METTL5: variants seen among roughly 807,000 people sequenced by gnomAD.
METTL5 encodes the protein methyltransferase 5, N6-adenosine, also known as rRNA N(6)-adenosine-methyltransferase METTL5.
Under a neutral mutation model 26.5 loss-of-function variants are expected in METTL5, and 28 were observed. The observed-to-expected ratio is 1.06, with a 90% CI of 0.78 to 1.45. The LOEUF (loss-of-function observed/expected upper bound fraction) is 1.45. Among genes scored for constraint, METTL5 ranks in the 40% most tolerant of loss-of-function variants. The pLI is 0.00. For missense variants in METTL5, 231 were observed against 249.9 expected (o/e 0.92, Z 0.51); for synonymous variants, 86 against 82.6 (o/e 1.04, Z -0.22).
At chr2:169,820,573 C>G (rs938826888) in intron 3 of METTL5, among the ~76,000 whole-genome samples, 6 of 152,032 alleles carry the variant, frequency 3.9e-5, no homozygotes, top group Admixed American at 1.3e-4. Context: ...ATGCATTAAA[C>G]AAATTGAAAT....
At chr2:169,817,299 G>T (rs1230390540) in intron 4 of METTL5, among the ~76,000 whole-genome samples, 1 of 152,200 alleles carries the variant, frequency 6.6e-6, no homozygotes, top group South Asian at 2.1e-4. Flanking sequence ...TGCTGGAGAG[G>T]ATGTGGAGAA....
At chr2:169,813,976 G>A (rs919821569) in intron 5 of METTL5, among the ~76,000 whole-genome samples, 1 of 152,026 alleles carries the variant, frequency 6.6e-6, no homozygotes, top group African/African-American at 2.4e-5. Context: ...ACACTACAGT[G>A]GCAATTCATT....
intron 3 of METTL5, among the ~76,000 whole-genome samples, chr2:169,820,743 C>T (rs2081572117): frequency 6.6e-6 from 1 of 152,180 alleles, no homozygotes; most frequent in Non-Finnish European, 1.5e-5. Context: ...TAGACAGGGT[C>T]TTGCTGTTAC....
At position 169,819,622 on chromosome 2, in the gene METTL5, T is replaced by C. The variant is rs891366000; in HGVS notation, c.428A>G (p.Lys143Arg). Reference sequence around the variant, plus strand: ...TGTTCTTGCCATTTCCAAAGCAGTCTTTAGAAAAGCCATATCTGTCCCTGT... The same window carrying C: ...TGTTCTTGCCATTTCCAAAGCAGTCCTTAGAAAAGCCATATCTGTCCCTGT... Reference protein sequence around the residue: ...NNKGTDMAFLKTALEMARTAV... With the variant: ...NNKGTDMAFLRTALEMARTAV... The change falls in exon 4 of 7, where the codon AAG becomes AGG. Residue 143 changes from lysine to arginine, a missense_variant. Coordinates refer to ENST00000260953, the MANE Select transcript of METTL5 (RefSeq NM_014168.4). 1.9e-6 allele frequency: 3 copies of C among 1,613,098 alleles called. No individual in the cohort carries two copies. Among genetic ancestry groups the C allele is most frequent in the East Asian group, 2.2e-5 (1 of 44,768 alleles).
At chr2:169,821,294 C>G in intron 2 of METTL5, 21 bp from the exon 3 acceptor site, 1 of 1,530,322 alleles carries the variant, frequency 6.5e-7, no homozygotes, top group Non-Finnish European at 8.8e-7. Context: ...AAAACACATA[C>G]AAAGAGTGGC....
intron 3 of METTL5, among the ~76,000 whole-genome samples, chr2:169,820,477 G>C (rs1197733237): frequency 6.6e-6 from 1 of 152,138 alleles, no homozygotes; most frequent in Non-Finnish European, 1.5e-5. Flanking sequence ...AAGCAAATGG[G>C]AGATATACAA....
At chr2:169,817,785 G>A (rs1356736877) in intron 4 of METTL5, among the ~76,000 whole-genome samples, 2 of 152,022 alleles carry the variant, frequency 1.3e-5, no homozygotes, top group Admixed American at 6.6e-5. Flanking sequence ...GGCTGGCGGA[G>A]AGATAGCATT....
chr2:169,822,987 TTTG>T (rs139052065), intron 1 of METTL5, among the ~76,000 whole-genome samples: 4,694 of 152,158 alleles, frequency 0.031, 73 homozygotes, highest in Middle Eastern at 0.061. Context: ...CCAGAAGTTT[TTTG>T]TTGTTTTTTT....
chr2:169,818,934 A>T (rs1014142260), intron 4 of METTL5, among the ~76,000 whole-genome samples: 11 of 152,182 alleles, frequency 7.2e-5, no homozygotes, highest in African/African-American at 2.7e-4. Flanking sequence ...CTTGATGATG[A>T]AACTCAATTA....
chr2:169,818,931 A>G (rs1558978241), intron 4 of METTL5, among the ~76,000 whole-genome samples: 1 of 152,192 alleles, frequency 6.6e-6, no homozygotes, highest in East Asian at 1.9e-4. Context: ...TACCTTGATG[A>G]TGAAACTCAA....
chr2:169,823,827 T>C (rs569267742), intron 1 of METTL5, among the ~76,000 whole-genome samples: 1 of 142,614 alleles, frequency 7.0e-6, no homozygotes, highest in East Asian at 2.0e-4. Context: ...TCTCAAAAAA[T>C]AATAATAATA....
At chr2:169,812,737 A>C in intron 5 of METTL5, 1 of 485,118 alleles carries the variant, frequency 2.1e-6, no homozygotes, top group Non-Finnish European at 3.6e-6. Context: ...GTTATAAGTG[A>C]TGAGTTTAGA....
At chr2:169,823,008 CAG>C (rs1349660574) in intron 1 of METTL5, among the ~76,000 whole-genome samples, 4 of 151,976 alleles carry the variant, frequency 2.6e-5, no homozygotes, top group African/African-American at 9.7e-5. Context: ...TTTTCAGAGA[CAG>C]GGTCTATCTC....
chr2:169,812,595 A>T lies in METTL5; in HGVS notation c.542-89T>A, dbSNP rs1010176372. Reference sequence around the variant, plus strand: ...ACAACAACAACAACAAAAACTAAGAAAAGTGTTAAGTGCTGGTAAGCTGAA... The same window carrying T: ...ACAACAACAACAACAAAAACTAAGATAAGTGTTAAGTGCTGGTAAGCTGAA... On this transcript the variant is annotated intron_variant, in intron 5 of 6. Coordinates refer to ENST00000260953, the MANE Select transcript of METTL5 (RefSeq NM_014168.4). 9 of 1,426,358 alleles carry T rather than the reference A, an allele frequency of 6.3e-6. No homozygotes were observed. In the African/African-American group the frequency reaches 1.1e-4, roughly 18 times the overall value. The allele number at this position is 1,426,358 out of a possible 1,614,324, so 88.4% of individuals were successfully genotyped here. A position where few individuals can be genotyped will look rare whatever the true frequency, so the allele number is the denominator to read the frequency against.
At position 169,815,368 on chromosome 2, in the gene METTL5, T is replaced by C. The variant is rs1207409668; in HGVS notation, c.541+109A>G. On this transcript the variant is annotated intron_variant, in intron 5 of 6. Transcript: ENST00000260953. ...TCCAATCTATTACCAATCATGCACATTTTGCCACACTGTAAAGCATAGTTT... is the reference window on the plus strand; with the variant it reads ...TCCAATCTATTACCAATCATGCACACTTTGCCACACTGTAAAGCATAGTTT... The C allele has an allele frequency of 4.2e-6, 3 of 708,774 alleles. No homozygotes were observed. The Admixed American group carries it at 8.0e-5, about 19-fold the overall frequency. The allele number at this position is 708,774 out of a possible 1,614,324, so 43.9% of individuals were successfully genotyped here.
intron 1 of METTL5, among the ~76,000 whole-genome samples, chr2:169,822,322 G>C (rs2081596182): frequency 6.6e-6 from 1 of 152,042 alleles, no homozygotes; most frequent in African/African-American, 2.4e-5. Context: ...CCCAGTCTCT[G>C]AGGTAAAATA....
intron 3 of METTL5, among the ~76,000 whole-genome samples, chr2:169,819,998 C>G (rs1406079412): frequency 6.6e-6 from 1 of 151,400 alleles, no homozygotes; most frequent in Non-Finnish European, 1.5e-5. Context: ...GCTCTTGTTG[C>G]CCAGGCTGGA....
rs577358411 is a variant in METTL5 at position 169,822,455 on chromosome 2, A to T, written c.110-398T>A. On this transcript the variant is annotated intron_variant, in intron 1 of 6. Coordinates refer to ENST00000260953, the MANE Select transcript of METTL5 (RefSeq NM_014168.4). Reference sequence around the variant, plus strand: ...AGAATGGTAAGAGTAAATAGTTTTTAAAAAAATCCTTTTTTGTCAACATAA... The same window carrying T: ...AGAATGGTAAGAGTAAATAGTTTTTTAAAAAATCCTTTTTTGTCAACATAA... Among the ~76,000 whole-genome samples the T allele has an allele frequency of 3.3e-4, 50 of 152,332 alleles. 1 individual carries two copies. The highest frequency in any genetic ancestry group is 1.1e-3 in the African/African-American group (46 of 41,580).
Position 169,824,638 on chromosome 2 carries a change from G to T in METTL5, c.-41C>A. The T allele has an allele frequency of 7.0e-7, 1 of 1,428,262 alleles. No individual in the cohort carries two copies. Among genetic ancestry groups the T allele is most frequent in the Non-Finnish European group, 9.9e-7 (1 of 1,010,810 alleles). 88.5% of individuals were successfully genotyped at this position (1,428,262 alleles called of 1,614,324 possible). On this transcript the variant is annotated 5_prime_UTR_variant, in exon 1 of 7. Coordinates refer to ENST00000260953, the MANE Select transcript of METTL5 (RefSeq NM_014168.4). Reference sequence around the variant, plus strand: ...GGACTCGTAGGGTTTGAAGGCACAGGATCTGCGGAGAAATCTATTGAACTG... The same window carrying T: ...GGACTCGTAGGGTTTGAAGGCACAGTATCTGCGGAGAAATCTATTGAACTG...
Sources: allele counts gnomAD v4.1 joint callset (sites outside exome capture counted in the v4.1 genomes callset), GRCh38; gene constraint gnomAD v4.1.1; transcripts MANE v1.5; gene names NCBI Gene and HGNC (gene_info 2026-07-23, HGNC 2026-07-21).